The following ERC2 variants were observed in gnomAD, a reference collection of about 807,000 sequenced individuals.
ERC2 encodes ELKS/RAB6-interacting/CAST family member 2.
Under a neutral mutation model 114.8 loss-of-function variants are expected in ERC2, and 42 were observed. The ratio of observed to expected loss-of-function variants is 0.37; its 90% CI spans 0.29 to 0.47. The LOEUF is 0.47. Among genes scored for constraint, ERC2 ranks in the 20% least tolerant of loss-of-function variants. ERC2 has a pLI of 0.99. For missense variants in ERC2, 939 were observed against 1,150.7 expected (o/e 0.82, Z 2.66); for synonymous variants, 454 against 425.5 (o/e 1.07, Z -0.82).
rs543106116 is a variant in ERC2, at chr3:56,138,221, A to G, written c.1473+1288T>C. Among the ~76,000 whole-genome samples the G allele has an allele frequency of 2.6e-3, 398 of 151,904 alleles. 2 individuals carry two copies. The highest frequency in any genetic ancestry group is 9.2e-3 in the African/African-American group (382 of 41,478). ...ACTACAGGCACCCGCCACCACGCCC[A>G]GCTAATTTTCTGTATTTTTTAGTAG... On this transcript the variant is annotated intron_variant, in intron 6 of 17. Coordinates refer to ENST00000288221, the MANE Select transcript of ERC2 (RefSeq NM_015576.3).
intron 2 of ERC2, 22 bp from the exon 3 acceptor site, chr3:56,296,457 G>A (rs200339027): frequency 1.4e-5 from 22 of 1,579,212 alleles, no homozygotes; most frequent in Middle Eastern, 1.7e-4. Flanking sequence ...AAGATGGAGC[G>A]GGAGAGGAGA....
intron 15 of ERC2, among the ~76,000 whole-genome samples, chr3:55,721,456 T>G (rs1289415795): frequency 1.3e-5 from 2 of 152,256 alleles, no homozygotes; most frequent in African/African-American, 4.8e-5. Flanking sequence ...ATCAAGTACT[T>G]AACGTACTAT....
At chr3:55,949,619 A>C (rs1272754011) in intron 13 of ERC2, among the ~76,000 whole-genome samples, 8 of 152,336 alleles carry the variant, frequency 5.3e-5, no homozygotes, top group African/African-American at 1.9e-4. Context: ...TAAAAAGATG[A>C]ACTATGAGTA....
intron 14 of ERC2, among the ~76,000 whole-genome samples, chr3:55,866,909 T>C (rs527560502): frequency 6.6e-6 from 1 of 152,258 alleles, no homozygotes; most frequent in Non-Finnish European, 1.5e-5. Context: ...TGATTTTACA[T>C]CGTCTTGGAT....
intron 17 of ERC2, among the ~76,000 whole-genome samples, chr3:55,578,596 A>T (rs1041802003): frequency 6.6e-6 from 1 of 152,236 alleles, no homozygotes; most frequent in African/African-American, 2.4e-5. Context: ...CTACTTACAC[A>T]TTGCAAGTCT....
intron 7 of ERC2, among the ~76,000 whole-genome samples, chr3:56,038,733 C>G (rs1199866346): frequency 1.3e-5 from 2 of 152,158 alleles, no homozygotes; most frequent in Admixed American, 6.5e-5. Context: ...TACATATACA[C>G]CATGGAATAT....
At chr3:55,684,185 C>T (rs2062207457) in intron 16 of ERC2, among the ~76,000 whole-genome samples, 1 of 152,120 alleles carries the variant, frequency 6.6e-6, no homozygotes, top group African/African-American at 2.4e-5. Context: ...AGCATGCAAT[C>T]TGAATTGCAT....
At chr3:56,345,806 T>C (rs560711593) in intron 2 of ERC2, among the ~76,000 whole-genome samples, 7 of 152,290 alleles carry the variant, frequency 4.6e-5, no homozygotes, top group African/African-American at 1.2e-4. Context: ...TGTGGGATGG[T>C]TGAGCAAACA....
intron 2 of ERC2, among the ~76,000 whole-genome samples, chr3:56,382,304 G>A (rs2059783056): frequency 6.6e-6 from 1 of 151,810 alleles, no homozygotes; most frequent in Admixed American, 6.6e-5. Flanking sequence ...GATCCTATCA[G>A]CAGACAAATA....
intron 7 of ERC2, among the ~76,000 whole-genome samples, chr3:56,034,288 A>G (rs1241898767): frequency 2.6e-5 from 4 of 152,124 alleles, no homozygotes; most frequent in Non-Finnish European, 5.9e-5. Flanking sequence ...AAACAACTAT[A>G]AATATATATA....
At chr3:55,692,246 G>A (rs575791600) in intron 16 of ERC2, among the ~76,000 whole-genome samples, 8 of 152,252 alleles carry the variant, frequency 5.3e-5, no homozygotes, top group Admixed American at 1.3e-4. Context: ...GTGGGAGTAC[G>A]GGATCCCACG....
intron 7 of ERC2, among the ~76,000 whole-genome samples, chr3:56,020,454 G>T (rs929523626): frequency 6.6e-6 from 1 of 151,952 alleles, no homozygotes; most frequent in African/African-American, 2.4e-5. Context: ...AAAATTAATT[G>T]CCACTCCTTG....
At chr3:56,186,863 C>T (rs1560331512) in intron 3 of ERC2, among the ~76,000 whole-genome samples, 2 of 152,200 alleles carry the variant, frequency 1.3e-5, no homozygotes, top group Admixed American at 6.5e-5. Flanking sequence ...TTATATGGCA[C>T]GATATCAGGT....
chr3:56,100,861 C>T (rs1011298912), intron 6 of ERC2, among the ~76,000 whole-genome samples: 1 of 152,132 alleles, frequency 6.6e-6, no homozygotes, highest in Non-Finnish European at 1.5e-5. Context: ...TATTTCATGA[C>T]TACACATGCT....
chr3:56,356,300 G>A (rs1310320864), intron 2 of ERC2, among the ~76,000 whole-genome samples: 2 of 151,996 alleles, frequency 1.3e-5, no homozygotes, highest in African/African-American at 4.8e-5. Flanking sequence ...AAGCTCTCTG[G>A]GCCAAATAGC....
intron 15 of ERC2, among the ~76,000 whole-genome samples, chr3:55,717,328 C>T (rs566502177): frequency 5.9e-5 from 9 of 152,278 alleles, no homozygotes; most frequent in African/African-American, 2.2e-4. Flanking sequence ...AACGTTAAGC[C>T]TCTTGGGAGT....
chr3:55,669,313 T>C (rs993517543), intron 17 of ERC2, among the ~76,000 whole-genome samples: 1 of 152,208 alleles, frequency 6.6e-6, no homozygotes, highest in Non-Finnish European at 1.5e-5. Flanking sequence ...CATAATCTGC[T>C]AGAACATACC....
At chr3:56,115,649 A>G (rs979363799) in intron 6 of ERC2, among the ~76,000 whole-genome samples, 2 of 152,184 alleles carry the variant, frequency 1.3e-5, no homozygotes, top group Non-Finnish European at 2.9e-5. Flanking sequence ...TTCTTGCATT[A>G]TCAAGGACCT....
At chr3:56,304,706 A>G (rs1157193454) in intron 2 of ERC2, among the ~76,000 whole-genome samples, 2 of 152,236 alleles carry the variant, frequency 1.3e-5, no homozygotes, top group Non-Finnish European at 2.9e-5. Context: ...AGGATACTTC[A>G]GCATTAGACA....
Sources: allele counts gnomAD v4.1 joint callset (sites outside exome capture counted in the v4.1 genomes callset), GRCh38; gene constraint gnomAD v4.1.1; transcripts MANE v1.5; gene names NCBI Gene and HGNC (gene_info 2026-07-23, HGNC 2026-07-21).